TESK2: variants seen among roughly 807,000 people sequenced by gnomAD.
TESK2 encodes the protein dual specificity testis-specific protein kinase 2.
Under a neutral mutation model 57.1 loss-of-function variants are expected in TESK2, and 39 were observed. That is an observed-to-expected ratio of 0.68 (90% CI 0.53 to 0.89). The LOEUF (loss-of-function observed/expected upper bound fraction) is 0.89, where lower values mean the gene tolerates loss of function less well. TESK2 is among the 40% of genes least tolerant of loss of function. TESK2 has a pLI of 0.00. For synonymous variants in TESK2, 249 were observed against 267.9 expected (o/e 0.93, Z 0.69); for missense variants, 646 against 732.1 (o/e 0.88, Z 1.36).
intron 4 of TESK2, among the ~76,000 whole-genome samples, chr1:45,365,634 C>A (rs1647881141): frequency 6.6e-6 from 1 of 151,646 alleles, no homozygotes; most frequent in Non-Finnish European, 1.5e-5. Flanking sequence ...CTGCCTCTGC[C>A]TCCTGAGTAG....
chr1:45,352,082 C>T (rs1461518789), intron 5 of TESK2, among the ~76,000 whole-genome samples: 1 of 152,202 alleles, frequency 6.6e-6, no homozygotes, highest in Admixed American at 6.5e-5. Flanking sequence ...AGCTTTATTT[C>T]TCAGAGATGA....
At chr1:45,440,449 C>T (rs1006833777) in intron 2 of TESK2, among the ~76,000 whole-genome samples, 11 of 152,084 alleles carry the variant, frequency 7.2e-5, no homozygotes, top group Non-Finnish European at 1.3e-4. Flanking sequence ...CGCGGTGGCT[C>T]ATGCCCGTAA....
At chr1:45,390,219 C>T (rs1303744369) in intron 3 of TESK2, among the ~76,000 whole-genome samples, 2 of 151,944 alleles carry the variant, frequency 1.3e-5, no homozygotes, top group East Asian at 3.9e-4. Context: ...TCTCTTGAGC[C>T]CAGGAGATCA....
chr1:45,442,759 T>TA (rs1188015664), intron 2 of TESK2, among the ~76,000 whole-genome samples: 1 of 152,224 alleles, frequency 6.6e-6, no homozygotes, highest in Non-Finnish European at 1.5e-5. Context: ...CTTCCCTAAA[T>TA]AAATTTCACT....
chr1:45,438,833 G>T (rs1281924646), intron 2 of TESK2, among the ~76,000 whole-genome samples: 1 of 151,986 alleles, frequency 6.6e-6, no homozygotes, highest in African/African-American at 2.4e-5. Flanking sequence ...GGCATACAGA[G>T]AAATAAACAC....
intron 2 of TESK2, among the ~76,000 whole-genome samples, chr1:45,433,554 G>C (rs1651069712): frequency 6.6e-6 from 1 of 152,070 alleles, no homozygotes. Context: ...TCTGTGCTTG[G>C]CTTATTTCAC....
chr1:45,374,077 A>T (rs1197224663), intron 4 of TESK2, among the ~76,000 whole-genome samples: 1 of 152,236 alleles, frequency 6.6e-6, no homozygotes, highest in Non-Finnish European at 1.5e-5. Context: ...ATTAGCTAGA[A>T]ATCCTCTGAA....
At chr1:45,421,909 T>C in intron 2 of TESK2, 63 bp from the exon 3 acceptor site, 1 of 1,559,884 alleles carries the variant, frequency 6.4e-7, no homozygotes, top group Non-Finnish European at 8.7e-7. Flanking sequence ...GAGGTCAACA[T>C]CTCCAAATGT....
At chr1:45,448,699 G>T (rs1388174900) in intron 2 of TESK2, among the ~76,000 whole-genome samples, 1 of 152,138 alleles carries the variant, frequency 6.6e-6, no homozygotes, top group Admixed American at 6.5e-5. Flanking sequence ...CCACTACCAT[G>T]ATCCAATCAC....
chr1:45,367,559 G>A (rs1445004361), intron 4 of TESK2, among the ~76,000 whole-genome samples: 3 of 151,776 alleles, frequency 2.0e-5, no homozygotes, highest in Non-Finnish European at 2.9e-5. Flanking sequence ...ATGTTTGTCA[G>A]GTTGCTATCC....
chr1:45,374,821 T>C (rs941694583), intron 4 of TESK2, among the ~76,000 whole-genome samples: 2 of 152,334 alleles, frequency 1.3e-5, no homozygotes, highest in Non-Finnish European at 2.9e-5. Context: ...GTACCTCCTA[T>C]AGTCTTCCCA....
chr1:45,402,028 T>G (rs1311600238), intron 3 of TESK2, among the ~76,000 whole-genome samples: 1 of 151,616 alleles, frequency 6.6e-6, no homozygotes, highest in Non-Finnish European at 1.5e-5. Context: ...TTTTGATACT[T>G]ATGTTTTCTA....
intron 3 of TESK2, chr1:45,415,226 A>G (rs1371410681): frequency 1.3e-6 from 2 of 1,482,298 alleles, no homozygotes; most frequent in Admixed American, 3.4e-5. Context: ...GATGGCAAGC[A>G]TGTGGTCTTT....
At chr1:45,411,879 C>T in intron 3 of TESK2, among the ~76,000 whole-genome samples, 1 of 152,206 alleles carries the variant, frequency 6.6e-6, no homozygotes, top group East Asian at 1.9e-4. Flanking sequence ...TAGCTCACTA[C>T]TCCTAGGCTC....
intron 3 of TESK2, among the ~76,000 whole-genome samples, chr1:45,397,543 G>A (rs1307247656): frequency 1.3e-5 from 2 of 152,070 alleles, no homozygotes; most frequent in Non-Finnish European, 2.9e-5. Context: ...AACCTCTCTT[G>A]CTTTATCTCC....
chr1:45,391,705 A>G (rs995437220), intron 3 of TESK2, among the ~76,000 whole-genome samples: 2 of 152,200 alleles, frequency 1.3e-5, no homozygotes, highest in African/African-American at 2.4e-5. Flanking sequence ...TTCATCTTCT[A>G]TACAAAGGAT....
Position 45,457,595 on chromosome 1 carries a change from AT to A in TESK2, c.190del (p.Ile64Ter). ...TRLDDFTCEK[I>X]GSGFFSEVFK... ...CACTTCAGAAAAGAAGCCAGACCCT[AT>A]TTTTTCACAGGTGAAATCATCCAAA... On this transcript the variant is annotated frameshift_variant, in exon 2 of 11. Coordinates refer to ENST00000372086, the MANE Select transcript of TESK2 (RefSeq NM_007170.3). LOFTEE classifies it high-confidence loss of function. The A allele has an allele frequency of 1.2e-6, 2 of 1,613,982 alleles. No individual in the cohort carries two copies. Among genetic ancestry groups the A allele is most frequent in the South Asian group, 2.2e-5 (2 of 91,074 alleles).
At position 45,428,630 on chromosome 1, in the gene TESK2, G is replaced by A. The variant is rs78827675; in HGVS notation, c.223-6784C>T. Among the ~76,000 whole-genome samples, 525 of 151,992 alleles carry A rather than the reference G, an allele frequency of 3.5e-3. 7 individuals are homozygous for A. The highest frequency in any genetic ancestry group is 0.031 in the East Asian group (160 of 5,168). ...CAATCCTCCCACCTCAGCCACTTGAGAAGCTGGGACCACAGCTGTGCACCA... is the reference window on the plus strand; with the variant it reads ...CAATCCTCCCACCTCAGCCACTTGAAAAGCTGGGACCACAGCTGTGCACCA... On this transcript the variant is annotated intron_variant, in intron 2 of 10. Transcript: ENST00000372086.
chr1:45,418,457 T>C (rs1323152170), intron 3 of TESK2, among the ~76,000 whole-genome samples: 2 of 152,220 alleles, frequency 1.3e-5, no homozygotes, highest in African/African-American at 2.4e-5. Context: ...TTTGGATTTA[T>C]GCAAAGCATT....
Sources: allele counts gnomAD v4.1 joint callset (sites outside exome capture counted in the v4.1 genomes callset), GRCh38; gene constraint gnomAD v4.1.1; transcripts MANE v1.5; gene names NCBI Gene and HGNC (gene_info 2026-07-23, HGNC 2026-07-21).